Variants in POLR2D observed in about 807,000 individuals in gnomAD.
POLR2D encodes the protein DNA-directed RNA polymerase II subunit RPB4.
Under a neutral mutation model 17.6 loss-of-function variants are expected in POLR2D, and 10 were observed. The observed-to-expected ratio is 0.57, with a 90% CI of 0.35 to 0.96. The LOEUF is 0.96. Ranked by LOEUF, POLR2D falls within the 40% of genes least tolerant of loss-of-function variation. The pLI is 0.02. For synonymous variants in POLR2D, 52 were observed against 60.2 expected (o/e 0.86, Z 0.63); for missense variants, 126 against 176.4 (o/e 0.71, Z 1.62).
chr2:127,851,456 C>T (rs1344949147), intron 2 of POLR2D, among the ~76,000 whole-genome samples: 1 of 152,036 alleles, frequency 6.6e-6, no homozygotes, highest in African/African-American at 2.4e-5. Flanking sequence ...GTAGAAGAGG[C>T]CAGGCTTAGC....
At chr2:127,848,850 C>T (rs1208411548) in intron 3 of POLR2D, among the ~76,000 whole-genome samples, 3 of 151,718 alleles carry the variant, frequency 2.0e-5, no homozygotes, top group African/African-American at 4.8e-5. Context: ...TTAGTAGAGA[C>T]GGGGTTTCAC....
Position 127,847,857 on chromosome 2 carries a change from C to A in POLR2D, c.*250G>T. Reference sequence around the variant, plus strand: ...AGTGTGGTTATGTGACCCCTCATCTCACACTTCGCAGAGGCACGTTCAGGA... The same window carrying A: ...AGTGTGGTTATGTGACCCCTCATCTAACACTTCGCAGAGGCACGTTCAGGA... On this transcript the variant is annotated 3_prime_UTR_variant, in exon 4 of 4. Coordinates refer to ENST00000272645, the MANE Select transcript of POLR2D (RefSeq NM_004805.4). 2.0e-6 allele frequency: 1 copy of A among 511,974 alleles called. No homozygotes were observed. The highest frequency in any genetic ancestry group is 5.4e-4 in the Middle Eastern group (1 of 1,852). 31.7% of individuals were successfully genotyped at this position (511,974 alleles called of 1,614,324 possible). A position where few individuals can be genotyped will look rare whatever the true frequency, so the allele number is the denominator to read the frequency against.
In POLR2D at chr2:127,844,935, T is replaced by G. The variant is rs1356029561; in HGVS notation, c.*3172A>C. ...TCCCAAAGTGCTGGGATTACAGGTGTGAGCCACCGCGCCCAACTGTGAGCT... is the reference window on the plus strand; with the variant it reads ...TCCCAAAGTGCTGGGATTACAGGTGGGAGCCACCGCGCCCAACTGTGAGCT... On this transcript the variant is annotated 3_prime_UTR_variant, in exon 4 of 4. Coordinates refer to ENST00000272645, the MANE Select transcript of POLR2D (RefSeq NM_004805.4). 6.6e-6 allele frequency: 1 copy of G among 152,294 alleles called. No individual in the cohort carries two copies. Among genetic ancestry groups the G allele is most frequent in the African/African-American group, 2.4e-5 (1 of 41,460 alleles). The allele number at this position is 152,294 out of a possible 1,614,324, so 9.4% of individuals were successfully genotyped here. A position where few individuals can be genotyped will look rare whatever the true frequency, so the allele number is the denominator to read the frequency against.
chr2:127,854,765 T>G (rs909650688), intron 1 of POLR2D, among the ~76,000 whole-genome samples: 1 of 151,972 alleles, frequency 6.6e-6, no homozygotes, highest in East Asian at 1.9e-4. Flanking sequence ...CAGGAGAGTT[T>G]AAACGAAAAC....
rs907229718 is a variant in POLR2D, at chr2:127,847,251, C to T, written c.*856G>A. ...GGGCTATGGGCTCCACAATACTTAG[C>T]ACTTGTCCCCAAGTGTAAACACTTC... On this transcript the variant is annotated 3_prime_UTR_variant, in exon 4 of 4. Coordinates refer to ENST00000272645, the MANE Select transcript of POLR2D (RefSeq NM_004805.4). 1 of 152,232 alleles carries T rather than the reference C, an allele frequency of 6.6e-6. No homozygotes were observed. The highest frequency in any genetic ancestry group is 6.5e-5 in the Admixed American group (1 of 15,278). 9.4% of individuals were successfully genotyped at this position (152,232 alleles called of 1,614,324 possible).
rs533262436 is a variant in POLR2D, at chr2:127,852,074, C to G, written c.254+851G>C. ...AAAGTGCTGGAATTACAGGCATGAG[C>G]CACTGCACCCGGCCAATCCCAGCAC... On this transcript the variant is annotated intron_variant, in intron 2 of 3. Transcript: ENST00000272645. The surrounding 1 kb of genome is among the most constrained non-coding windows in gnomAD (Gnocchi z 4.0). Among the ~76,000 whole-genome samples the G allele has an allele frequency of 6.6e-6, 1 of 152,294 alleles. No individual in the cohort carries two copies. Among genetic ancestry groups the G allele is most frequent in the African/African-American group, 2.4e-5 (1 of 41,558 alleles).
intron 1 of POLR2D, among the ~76,000 whole-genome samples, chr2:127,853,951 A>C (rs1327199408): frequency 1.3e-5 from 2 of 152,222 alleles, no homozygotes; most frequent in East Asian, 3.8e-4. Context: ...GTAATGACAC[A>C]TAGACTAGTT....
chr2:127,852,890 G>A lies in POLR2D; in HGVS notation c.254+35C>T. 23 of 1,484,858 alleles carry A rather than the reference G, an allele frequency of 1.5e-5. No individual in the cohort carries two copies. The highest frequency in any genetic ancestry group is 2.1e-5 in the Non-Finnish European group (22 of 1,068,268). 92.0% of individuals were successfully genotyped at this position (1,484,858 alleles called of 1,614,324 possible). On this transcript the variant is annotated intron_variant, in intron 2 of 3. Transcript: ENST00000272645. This position sits in a 1 kb window ranked among gnomAD's most constrained non-coding sequence, Gnocchi z 4.0. ...GCATTCTACATGCAGTTGTCCAATG[G>A]TTTGGATTAATAAAAACTTTCTTTT...
At chr2:127,848,463 T>A (rs1320731649) in intron 3 of POLR2D, among the ~76,000 whole-genome samples, 1 of 151,372 alleles carries the variant, frequency 6.6e-6, no homozygotes, top group Non-Finnish European at 1.5e-5. Flanking sequence ...TAGGCTAGAG[T>A]GAAGTGGCAT....
At chr2:127,854,338 T>C (rs1341728117) in intron 1 of POLR2D, among the ~76,000 whole-genome samples, 1 of 152,198 alleles carries the variant, frequency 6.6e-6, no homozygotes, top group African/African-American at 2.4e-5. Context: ...TTAGAGATAG[T>C]TTTTATCTGC....
chr2:127,855,545 A>G (rs895627320), intron 1 of POLR2D, among the ~76,000 whole-genome samples: 6 of 152,214 alleles, frequency 3.9e-5, no homozygotes, highest in Non-Finnish European at 5.9e-5. Flanking sequence ...AAGTACTACT[A>G]ATACATTACC....
chr2:127,850,598 T>C lies in POLR2D; in HGVS notation c.342A>G (p.Leu114=), dbSNP rs370494205. Residue 114 remains leucine (L), a synonymous_variant, in exon 3 of 4, where the codon CTA becomes CTG. Coordinates refer to ENST00000272645, the MANE Select transcript of POLR2D (RefSeq NM_004805.4). The part of the protein sequence containing the change: ...CPETAEESKA[L]IPSLEGRFED... ...TCACAACTGGTACTAACCTTGGGAT[T>C]AGAGCCTTGGACTCCTCAGCAGTCT... 4.0e-6 allele frequency: 6 copies of C among 1,499,780 alleles called. No homozygotes were observed. The highest frequency in any genetic ancestry group is 4.6e-6 in the Non-Finnish European group (5 of 1,090,016). The allele number at this position is 1,499,780 out of a possible 1,614,324, so 92.9% of individuals were successfully genotyped here. A position where few individuals can be genotyped will look rare whatever the true frequency, so the allele number is the denominator to read the frequency against.
rs1032993126 is a variant in POLR2D, at chr2:127,845,914, A to G, written c.*2193T>C. The G allele has an allele frequency of 6.6e-6, 1 of 152,250 alleles. No homozygotes were observed. Among genetic ancestry groups the G allele is most frequent in the Non-Finnish European group, 1.5e-5 (1 of 68,048 alleles). The allele number at this position is 152,250 out of a possible 1,614,324, so 9.4% of individuals were successfully genotyped here. On this transcript the variant is annotated 3_prime_UTR_variant, in exon 4 of 4. Coordinates refer to ENST00000272645, the MANE Select transcript of POLR2D (RefSeq NM_004805.4). ...ACCCATGGGGCAGATACTATTATCCATATTTCACAATTGAGAACACCAATG... is the reference window on the plus strand; with the variant it reads ...ACCCATGGGGCAGATACTATTATCCGTATTTCACAATTGAGAACACCAATG...
rs918057127 is a variant in POLR2D, at chr2:127,844,836, TAG to T, written c.*3269_*3270del. On this transcript the variant is annotated 3_prime_UTR_variant, in exon 4 of 4. Transcript: ENST00000272645. ...ACGTGGCCAATTTTTGTATTTTTAG[TAG>T]AGACAGGGTTTCACAACGTTGGCCA... The T allele has an allele frequency of 1.3e-5, 2 of 152,186 alleles. No homozygotes were observed. Among genetic ancestry groups the T allele is most frequent in the Non-Finnish European group, 2.9e-5 (2 of 68,058 alleles). The allele number at this position is 152,186 out of a possible 1,614,324, so 9.4% of individuals were successfully genotyped here.
intron 1 of POLR2D, among the ~76,000 whole-genome samples, chr2:127,856,555 C>T (rs1448588863): frequency 6.6e-6 from 1 of 150,768 alleles, no homozygotes; most frequent in African/African-American, 2.4e-5. Flanking sequence ...TCACTGCACT[C>T]CAGCCTGGGT....
rs1690166936 is a variant in POLR2D at position 127,846,938 on chromosome 2, G to C, written c.*1169C>G. The C allele has an allele frequency of 6.5e-6, 1 of 152,688 alleles. No homozygotes were observed. The highest frequency in any genetic ancestry group is 2.1e-4 in the South Asian group (1 of 4,834). The allele number at this position is 152,688 out of a possible 1,614,324, so 9.5% of individuals were successfully genotyped here. On this transcript the variant is annotated 3_prime_UTR_variant, in exon 4 of 4. Coordinates refer to ENST00000272645, the MANE Select transcript of POLR2D (RefSeq NM_004805.4). ...TTTCAGAAACATCGCTGACTGCTGC[G>C]GCCTCTACGTTTCAAATGATGAATT...
At chr2:127,857,906 C>G in intron 1 of POLR2D, 122 bp downstream of exon 1, 4 of 1,412,900 alleles carry the variant, frequency 2.8e-6, no homozygotes, top group Non-Finnish European at 3.7e-6. Flanking sequence ...CCCAGCCCCA[C>G]GCCGCGCTGG....
intron 1 of POLR2D, among the ~76,000 whole-genome samples, chr2:127,855,250 G>A (rs1013642868): frequency 2.0e-5 from 3 of 151,728 alleles, no homozygotes; most frequent in Middle Eastern, 3.2e-3. Flanking sequence ...AAAATTAGTC[G>A]GGAGTGGTGG....
intron 3 of POLR2D, among the ~76,000 whole-genome samples, chr2:127,849,178 G>C (rs78069756): frequency 0.024 from 3,709 of 151,936 alleles, 139 homozygotes; most frequent in African/African-American, 0.084. Context: ...CCGAGTAGCC[G>C]GGACTACAGT....
Sources: allele counts gnomAD v4.1 joint callset (sites outside exome capture counted in the v4.1 genomes callset), GRCh38; gene constraint gnomAD v4.1.1; non-coding constraint Gnocchi (gnomAD v3.1); transcripts MANE v1.5; gene names NCBI Gene and HGNC (gene_info 2026-07-23, HGNC 2026-07-21).